The following BTD variants were observed in gnomAD, a reference collection of about 807,000 sequenced individuals.
BTD encodes biotinidase.
Under a neutral mutation model 17.7 loss-of-function variants are expected in BTD, and 13 were observed. The ratio of observed to expected loss-of-function variants is 0.74; its 90% CI spans 0.48 to 1.17. The LOEUF (loss-of-function observed/expected upper bound fraction) is 1.17, where lower values mean the gene tolerates loss of function less well. BTD is among the 50% of genes most tolerant of loss of function. BTD has a pLI of 0.00. For synonymous variants in BTD, 240 were observed against 245.2 expected, an observed-to-expected ratio of 0.98 and a Z score of 0.20; for missense variants, 674 against 650.4, an observed-to-expected ratio of 1.04 and a Z score of -0.39.
At chr3:15,623,225 C>A (rs972419444) in intron 1 of BTD, among the ~76,000 whole-genome samples, 3 of 152,192 alleles carry the variant, frequency 2.0e-5, no homozygotes, top group African/African-American at 4.8e-5. Flanking sequence ...GGTGGAGACA[C>A]AGCCAAACCA....
At chr3:15,619,968 C>T (rs977310696) in intron 1 of BTD, among the ~76,000 whole-genome samples, 1 of 151,858 alleles carries the variant, frequency 6.6e-6, no homozygotes, top group Non-Finnish European at 1.5e-5. Context: ...CTTCAAAGGG[C>T]AAAAAGCAGA....
chr3:15,689,981 A>C (rs752717657), intron 3 of BTD: 1 of 1,516,140 alleles, frequency 6.6e-7, no homozygotes, highest in South Asian at 1.2e-5. Context: ...AGTATTGGAT[A>C]GAAGTTATAA....
chr3:15,624,983 C>G (rs566907913), intron 1 of BTD, among the ~76,000 whole-genome samples: 2 of 152,308 alleles, frequency 1.3e-5, no homozygotes, highest in South Asian at 4.1e-4. Context: ...CTTAGCCTCC[C>G]TAAGTGCTGG....
At chr3:15,709,331 T>C (rs1042052549) in intron 3 of BTD, among the ~76,000 whole-genome samples, 12 of 152,160 alleles carry the variant, frequency 7.9e-5, no homozygotes, top group African/African-American at 2.9e-4. Flanking sequence ...ATCATTATTT[T>C]CTAGGTATTG....
intron 1 of BTD, among the ~76,000 whole-genome samples, chr3:15,626,937 G>A (rs1003360326): frequency 6.6e-6 from 1 of 152,078 alleles, no homozygotes; most frequent in Non-Finnish European, 1.5e-5. Flanking sequence ...GTCTGTCAGA[G>A]GAAAAAAGGC....
rs112442632 is a variant in BTD at position 15,685,732 on chromosome 3, A to G, written c.400-24328A>G. Among the ~76,000 whole-genome samples the G allele has an allele frequency of 8.5e-5, 13 of 152,344 alleles. 2 individuals carry two copies. Among genetic ancestry groups the G allele is most frequent in the African/African-American group, 2.9e-4 (12 of 41,578 alleles). ...GTGAAAAAAGATTAAAGTGTATAAG[A>G]AAATAAGTGAGATAATGGAAAAAGT... On this transcript the variant is annotated intron_variant, in intron 3 of 3. Coordinates refer to the BTD transcript ENST00000672141.
At chr3:15,714,738 A>T (rs1217134080), downstream of BTD, 4 of 898,664 alleles carry the variant, frequency 4.5e-6, no homozygotes, top group Non-Finnish European at 6.4e-6. Context: ...ACCCTCTTGC[A>T]TCTTTATTTT....
At chr3:15,632,082 C>T (rs998208745) in intron 1 of BTD, among the ~76,000 whole-genome samples, 10 of 152,180 alleles carry the variant, frequency 6.6e-5, no homozygotes, top group Non-Finnish European at 1.0e-4. Context: ...CTCTGCCTGC[C>T]GTGCTCTCAC....
rs13078881 is a variant in BTD at position 15,645,186 on chromosome 3, G to T, written c.1270G>T (p.Asp424Tyr). Reference protein sequence around the residue: ...SKELYALGVFDGLHTVHGTYY... With the variant: ...SKELYALGVFYGLHTVHGTYY... Reference sequence around the variant, plus strand: ...AGAGCTGTATGCCCTGGGGGTCTTTGATGGGCTTCACACAGTACATGGCAC... The same window carrying T: ...AGAGCTGTATGCCCTGGGGGTCTTTTATGGGCTTCACACAGTACATGGCAC... Residue 424 changes from aspartate (D) to tyrosine (Y), a missense_variant, in exon 4 of 4, where the codon GAT becomes TAT. By Grantham distance (160) the Asp-to-Tyr change is radical. Transcript: ENST00000643237. The T allele has an allele frequency of 1.9e-6, 3 of 1,614,074 alleles. No individual in the cohort carries two copies. Among genetic ancestry groups the T allele is most frequent in the Non-Finnish European group, 1.7e-6 (2 of 1,180,038 alleles).
At chr3:15,601,526 C>T (rs192164652), upstream of BTD, 15 of 1,608,582 alleles carry the variant, frequency 9.3e-6, no homozygotes, top group East Asian at 4.5e-5. Context: ...TCCAGCAAGG[C>T]AAACGCGAAA....
chr3:15,719,705 A>G (rs921790587), intron 4 of BTD, among the ~76,000 whole-genome samples: 1 of 151,918 alleles, frequency 6.6e-6, no homozygotes. Context: ...AGTACCTAGG[A>G]CTACAGGATA....
At chr3:15,634,986 A>G (rs1156730832) in intron 1 of BTD, among the ~76,000 whole-genome samples, 1 of 150,944 alleles carries the variant, frequency 6.6e-6, no homozygotes, top group Non-Finnish European at 1.5e-5. Context: ...GGTCATGACA[A>G]TCACAGACAT....
chr3:15,601,507 G>A, upstream of BTD: 3 of 1,609,800 alleles, frequency 1.9e-6, no homozygotes, highest in African/African-American at 1.3e-5. Flanking sequence ...CGGCAAACAA[G>A]CGGAATCATC....
intron 1 of BTD, among the ~76,000 whole-genome samples, chr3:15,603,611 T>C (rs113561051): frequency 1.4e-3 from 216 of 152,210 alleles, no homozygotes; most frequent in African/African-American, 5.1e-3. Context: ...GAGCTGAGAT[T>C]GGGCCACTGC....
chr3:15,670,461 G>C, intron 3 of BTD: 2 of 1,613,904 alleles, frequency 1.2e-6, no homozygotes, highest in Non-Finnish European at 1.7e-6. Flanking sequence ...GATGATAAAG[G>C]ACTACTTGAT....
At chr3:15,624,136 A>T (rs554422193) in intron 1 of BTD, among the ~76,000 whole-genome samples, 2 of 151,620 alleles carry the variant, frequency 1.3e-5, no homozygotes, top group Non-Finnish European at 2.9e-5. Flanking sequence ...TTCTTTCAGG[A>T]TTTTTTCTTT....
chr3:15,640,833 A>G (rs1177565257), intron 2 of BTD, among the ~76,000 whole-genome samples: 3 of 136,378 alleles, frequency 2.2e-5, no homozygotes, highest in Non-Finnish European at 1.5e-5. Flanking sequence ...TATCTGTGTT[A>G]TAGAATTATG....
rs149727752 is a variant in BTD at position 15,627,562 on chromosome 3, A to T, written c.-16-7862A>T. ...AATTTTGACTATGCCACTCCTAAAT[A>T]TATGCCTCTTGGCCTCTGCATGAGA... On this transcript the variant is annotated intron_variant, in intron 1 of 3. Transcript: ENST00000643237. Among the ~76,000 whole-genome samples the T allele has an allele frequency of 5.3e-5, 8 of 152,206 alleles. No individual in the cohort carries two copies. The East Asian group carries it at 1.6e-3, about 29-fold the overall frequency.
At chr3:15,677,617 C>A in intron 3 of BTD, 1 of 1,330,426 alleles carries the variant, frequency 7.5e-7, no homozygotes, top group Non-Finnish European at 1.1e-6. Context: ...TCTTAGATTA[C>A]CAATAACTCA....
Sources: gnomAD v4.1 joint callset for allele counts (sites outside exome capture counted in the v4.1 genomes callset) on GRCh38, gnomAD v4.1.1 for gene constraint, MANE v1.5 for transcripts, NCBI Gene and HGNC (gene_info 2026-07-23, HGNC 2026-07-21) for gene names.